The following CACNA2D1 variants were observed in gnomAD, a reference collection of about 807,000 sequenced individuals.
CACNA2D1 encodes calcium voltage-gated channel auxiliary subunit alpha2delta 1.
Under a neutral mutation model 171.5 loss-of-function variants are expected in CACNA2D1, and 53 were observed. The ratio of observed to expected loss-of-function variants is 0.31; its 90% CI spans 0.25 to 0.39. CACNA2D1 has a LOEUF of 0.39. Ranked by LOEUF, CACNA2D1 falls within the 10% of genes least tolerant of loss-of-function variation. The probability of loss-of-function intolerance (pLI) is 1.00; values close to 1 mark genes in which losing one functional copy is unlikely to be tolerated. For synonymous variants in CACNA2D1, 442 were observed against 443.1 expected, an observed-to-expected ratio of 1.00 and a Z score of 0.03; for missense variants, 903 against 1,299.8, an observed-to-expected ratio of 0.69 and a Z score of 4.69.
At chr7:82,347,016 C>T (rs1291596033) in intron 2 of CACNA2D1, among the ~76,000 whole-genome samples, 1 of 152,074 alleles carries the variant, frequency 6.6e-6, no homozygotes, top group African/African-American at 2.4e-5. Flanking sequence ...AACTGATGGA[C>T]ATATGTATTC....
At chr7:82,103,976 G>A (rs1000110442) in intron 6 of CACNA2D1, among the ~76,000 whole-genome samples, 4 of 151,994 alleles carry the variant, frequency 2.6e-5, no homozygotes, top group African/African-American at 7.2e-5. Context: ...GGCCATCAAA[G>A]TGAATAATTT....
chr7:82,167,554 A>T (rs995929466), intron 4 of CACNA2D1, among the ~76,000 whole-genome samples: 1 of 152,076 alleles, frequency 6.6e-6, no homozygotes, highest in South Asian at 2.1e-4. Context: ...AACGACCACT[A>T]TCTAAACCTT....
chr7:81,999,662 G>A (rs2130817491), intron 18 of CACNA2D1, among the ~76,000 whole-genome samples: 1 of 152,130 alleles, frequency 6.6e-6, no homozygotes, highest in East Asian at 1.9e-4. Context: ...TAATTATATT[G>A]TTAAGAGTTA....
At chr7:82,021,005 T>C (rs534686208) in intron 12 of CACNA2D1, 1 of 152,244 alleles carries the variant, frequency 6.6e-6, no homozygotes, top group Non-Finnish European at 1.5e-5. Flanking sequence ...TGTGGGTGTA[T>C]GACATATTTT....
At chr7:82,202,743 G>A (rs141797273) in intron 3 of CACNA2D1, among the ~76,000 whole-genome samples, 11 of 152,050 alleles carry the variant, frequency 7.2e-5, no homozygotes, top group Admixed American at 3.9e-4. Flanking sequence ...GCCTGGGTCC[G>A]TTGTCTCAGT....
At chr7:82,415,135 T>C (rs940702704) in intron 1 of CACNA2D1, among the ~76,000 whole-genome samples, 1 of 152,184 alleles carries the variant, frequency 6.6e-6, no homozygotes, top group Admixed American at 6.5e-5. Context: ...AGATCCCCTG[T>C]GGTTGCACCA....
intron 5 of CACNA2D1, among the ~76,000 whole-genome samples, chr7:82,125,611 C>A (rs1790242223): frequency 1.3e-5 from 2 of 151,988 alleles, no homozygotes; most frequent in Non-Finnish European, 2.9e-5. Flanking sequence ...GAAATGATGG[C>A]AAGTGCCCGT....
chr7:82,061,846 T>C (rs1364299438), intron 9 of CACNA2D1, among the ~76,000 whole-genome samples: 3 of 152,102 alleles, frequency 2.0e-5, no homozygotes, highest in Non-Finnish European at 4.4e-5. Context: ...GAGCCCACTT[T>C]TGGGTGGGGA....
rs886039076 is a variant in CACNA2D1, at chr7:82,007,703, T to C, written c.1416A>G (p.Gln472=). The C allele has an allele frequency of 4.4e-6, 7 of 1,591,326 alleles. No homozygotes were observed. In the South Asian group the frequency reaches 7.7e-5, roughly 18 times the overall value. The change falls in exon 16 of 39, where the codon CAA becomes CAG. Residue 472 remains glutamine (Q), a synonymous_variant. Transcript: ENST00000356860. ...CCTTTAAGTTTGTCTTATTTTCAAA[T>C]TGGCCGGTTATGTTGAAGACCGGAA... ...GTLPVFNITG[Q]FENKTNLKNQ...
chr7:82,053,436 AATGT>A (rs1805451722), intron 10 of CACNA2D1, among the ~76,000 whole-genome samples: 5 of 151,944 alleles, frequency 3.3e-5, no homozygotes, highest in Non-Finnish European at 5.9e-5. Flanking sequence ...CAATCATAAA[AATGT>A]ATTAATGATT....
chr7:81,953,057 T>A (rs927863053), intron 38 of CACNA2D1, among the ~76,000 whole-genome samples: 2 of 152,020 alleles, frequency 1.3e-5, no homozygotes, highest in African/African-American at 4.8e-5. Context: ...ACCTGTCTAA[T>A]TTTTTATATT....
rs1324664679 is a variant in CACNA2D1, at chr7:82,140,954, T to TAAAAA, written c.355-4283_355-4279dup. On this transcript the variant is annotated intron_variant, in intron 4 of 38. Transcript: ENST00000356860. ...TAGGCGACAGAGCAAGACTCGTCTC[T>TAAAAA]AAAAAAAAAAAAAAAGAAAAAAAAA... Among the ~76,000 whole-genome samples, 119 of 91,712 alleles carry TAAAAA rather than the reference T, an allele frequency of 1.3e-3. 3 individuals are homozygous for TAAAAA. The highest frequency in any genetic ancestry group is 3.7e-3 in the African/African-American group (73 of 19,570). 60.2% of individuals were successfully genotyped at this position (91,712 alleles called of 152,430 possible).
intron 38 of CACNA2D1, among the ~76,000 whole-genome samples, chr7:81,957,605 A>G (rs528813951): frequency 2.6e-5 from 4 of 152,234 alleles, no homozygotes; most frequent in Admixed American, 1.3e-4. Flanking sequence ...CACAGAAGAC[A>G]TACAAGATGA....
At chr7:82,302,198 T>G (rs1813102744) in intron 3 of CACNA2D1, among the ~76,000 whole-genome samples, 1 of 152,200 alleles carries the variant, frequency 6.6e-6, no homozygotes, top group Non-Finnish European at 1.5e-5. Flanking sequence ...TGGGGGTTTT[T>G]GGTGATTTTT....
chr7:81,946,882 TCAAAA>T lies in CACNA2D1; in HGVS notation c.*3505_*3509del, dbSNP rs1395952766. ...AAAAATCTGGAATTTTTTTCAACACTCAAAACATTATATTGGTTTGCTCTTTACAG... is the reference window on the plus strand; with the variant it reads ...AAAAATCTGGAATTTTTTTCAACACTCATTATATTGGTTTGCTCTTTACAG... On this transcript the variant is annotated 3_prime_UTR_variant, in exon 39 of 39. Coordinates refer to ENST00000356860, the MANE Select transcript of CACNA2D1 (RefSeq NM_000722.4). The T allele has an allele frequency of 6.6e-6, 1 of 152,042 alleles. No homozygotes were observed. Among genetic ancestry groups the T allele is most frequent in the Non-Finnish European group, 1.5e-5 (1 of 67,978 alleles). 9.4% of individuals were successfully genotyped at this position (152,042 alleles called of 1,614,324 possible). A position where few individuals can be genotyped will look rare whatever the true frequency, so the allele number is the denominator to read the frequency against.
chr7:82,439,436 G>A (rs1374334759), intron 1 of CACNA2D1, among the ~76,000 whole-genome samples: 1 of 151,660 alleles, frequency 6.6e-6, no homozygotes, highest in Non-Finnish European at 1.5e-5. Context: ...CAACTGTAAA[G>A]CTCTTATCTA....
At chr7:82,394,512 A>G (rs1230780196) in intron 1 of CACNA2D1, among the ~76,000 whole-genome samples, 1 of 152,212 alleles carries the variant, frequency 6.6e-6, no homozygotes, top group Non-Finnish European at 1.5e-5. Context: ...GGTTATCAAC[A>G]GCCAAGAGCA....
At chr7:82,440,710 T>C (rs1486537675) in intron 1 of CACNA2D1, among the ~76,000 whole-genome samples, 1 of 151,882 alleles carries the variant, frequency 6.6e-6, no homozygotes, top group Non-Finnish European at 1.5e-5. Flanking sequence ...TATATTAGAA[T>C]GTATGTTAAA....
chr7:82,342,256 G>A (rs1220440262), intron 2 of CACNA2D1, among the ~76,000 whole-genome samples: 2 of 152,070 alleles, frequency 1.3e-5, no homozygotes, highest in East Asian at 1.9e-4. Context: ...TTATATACGT[G>A]TGATGTTTAT....
Sources: allele counts gnomAD v4.1 joint callset (sites outside exome capture counted in the v4.1 genomes callset), GRCh38; gene constraint gnomAD v4.1.1; transcripts MANE v1.5; gene names NCBI Gene and HGNC (gene_info 2026-07-23, HGNC 2026-07-21).